Variants in THRB observed in about 807,000 individuals in gnomAD.
The protein encoded by THRB is thyroid hormone receptor beta, also known as nuclear receptor subfamily 1 group A member 2.
In THRB, 12 loss-of-function variants were observed where a neutral mutation model predicts 47.8. That is an observed-to-expected ratio of 0.25 (90% CI 0.16 to 0.41). The LOEUF (loss-of-function observed/expected upper bound fraction) is 0.41. Ranked by LOEUF, THRB falls within the 10% of genes least tolerant of loss-of-function variation. THRB has a pLI of 1.00. For synonymous variants in THRB, 218 were observed against 212.2 expected (o/e 1.03, Z -0.24); for missense variants, 348 against 589.2 (o/e 0.59, Z 4.24).
chr3:24,129,848 C>T (rs2033540188), intron 9 of THRB, among the ~76,000 whole-genome samples: 2 of 152,136 alleles, frequency 1.3e-5, no homozygotes, highest in South Asian at 2.1e-4. Context: ...GCAGCTCTGC[C>T]GGCGATGATT....
chr3:24,433,367 G>A lies in THRB; in HGVS notation c.-261+61285C>T, dbSNP rs542512873. On this transcript the variant is annotated intron_variant, in intron 1 of 10. Coordinates refer to ENST00000646209, the MANE Select transcript of THRB (RefSeq NM_001354712.2). ...TAAAAAGGATGCAGGAGGGGTCAGA[G>A]GCAAAGGAGATTATGTGATGATGGA... Among the ~76,000 whole-genome samples, 19 of 152,190 alleles carry A rather than the reference G, an allele frequency of 1.2e-4. No homozygotes were observed. In the East Asian group the frequency reaches 3.7e-3, roughly 29 times the overall value.
chr3:24,375,332 TTATTATATTTAGACATATAATATTAATA>T (rs1178581986), intron 1 of THRB, among the ~76,000 whole-genome samples: 1,641 of 143,350 alleles, frequency 0.011, no homozygotes, highest in East Asian at 0.043. Flanking sequence ...TAGACATATA[TTATTATATTTAGACATATAATATTAATA>T]TATTATATTT....
At position 24,359,758 on chromosome 3, in the gene THRB, C is replaced by T. The variant is rs145940255; in HGVS notation, c.-260-22387G>A. ...TTGAGTTGTATTCTTTGCCCATGTG[C>T]GTGGGGACAGCCATGGCCCTCAGCA... On this transcript the variant is annotated intron_variant, in intron 1 of 10. Transcript: ENST00000646209. Among the ~76,000 whole-genome samples, 482 of 152,132 alleles carry T rather than the reference C, an allele frequency of 3.2e-3. 3 individuals are homozygous for T. The highest frequency in any genetic ancestry group is 2.4e-3 in the Non-Finnish European group (163 of 67,996).
chr3:24,136,220 A>T (rs1286687908), intron 8 of THRB, among the ~76,000 whole-genome samples: 1 of 152,216 alleles, frequency 6.6e-6, no homozygotes, highest in East Asian at 1.9e-4. Flanking sequence ...ATGGAAATAT[A>T]TATCAAGGTA....
At chr3:24,413,922 A>G (rs2068536934) in intron 1 of THRB, among the ~76,000 whole-genome samples, 3 of 152,000 alleles carry the variant, frequency 2.0e-5, no homozygotes, top group African/African-American at 7.2e-5. Flanking sequence ...AGGACAGAAA[A>G]CCAATTACCT....
intron 1 of THRB, among the ~76,000 whole-genome samples, chr3:24,393,502 C>T (rs2066733194): frequency 6.6e-6 from 1 of 152,068 alleles, no homozygotes; most frequent in Non-Finnish European, 1.5e-5. Context: ...TCTAGGGGCA[C>T]CTGGGAGAGG....
chr3:24,467,142 AG>A (rs2074219261), intron 1 of THRB, among the ~76,000 whole-genome samples: 1 of 152,224 alleles, frequency 6.6e-6, no homozygotes, highest in African/African-American at 2.4e-5. Flanking sequence ...TTACATTTCA[AG>A]TGACACCTCT....
chr3:24,304,876 C>T (rs2057230761), intron 2 of THRB, among the ~76,000 whole-genome samples: 1 of 152,034 alleles, frequency 6.6e-6, no homozygotes, highest in Admixed American at 6.6e-5. Flanking sequence ...GAACTAGCCC[C>T]ATTGTAATAG....
chr3:24,325,485 G>A (rs1048162913), intron 2 of THRB, among the ~76,000 whole-genome samples: 3 of 152,144 alleles, frequency 2.0e-5, no homozygotes, highest in African/African-American at 7.2e-5. Flanking sequence ...TCAGGAGTTC[G>A]AGATCAGCCT....
chr3:24,276,796 G>T (rs1047063953), intron 3 of THRB, among the ~76,000 whole-genome samples: 1 of 152,224 alleles, frequency 6.6e-6, no homozygotes, highest in Non-Finnish European at 1.5e-5. Context: ...GAGTGGGTAG[G>T]GGAGGGAAAG....
At chr3:24,460,105 T>C (rs2073560927) in intron 1 of THRB, among the ~76,000 whole-genome samples, 1 of 152,204 alleles carries the variant, frequency 6.6e-6, no homozygotes, top group South Asian at 2.1e-4. Flanking sequence ...CTATGCTCAT[T>C]AAGGACATTT....
chr3:24,229,575 C>G (rs907809765), intron 3 of THRB, among the ~76,000 whole-genome samples: 5 of 152,204 alleles, frequency 3.3e-5, no homozygotes, highest in Admixed American at 2.0e-4. Context: ...CACCTCACCA[C>G]TACCTTAATG....
intron 4 of THRB, among the ~76,000 whole-genome samples, chr3:24,192,648 C>T (rs2043489677): frequency 6.6e-6 from 1 of 152,112 alleles, no homozygotes; most frequent in African/African-American, 2.4e-5. Context: ...GACATTGCCC[C>T]TTAAAGTGCA....
chr3:24,481,024 A>G (rs1696274931), intron 1 of THRB, among the ~76,000 whole-genome samples: 2 of 152,130 alleles, frequency 1.3e-5, no homozygotes, highest in African/African-American at 4.8e-5. Flanking sequence ...ATACAAGTTG[A>G]AGAATCAGGC....
intron 4 of THRB, among the ~76,000 whole-genome samples, chr3:24,201,543 C>T (rs903513732): frequency 6.6e-6 from 1 of 152,032 alleles, no homozygotes; most frequent in Admixed American, 6.5e-5. Context: ...GTTCTAGGGG[C>T]ACAGTCTCCA....
rs140675675 is a variant in THRB, at chr3:24,268,782, C to T, written c.-43+28444G>A. Among the ~76,000 whole-genome samples the T allele has an allele frequency of 3.9e-4, 59 of 152,144 alleles. No homozygotes were observed. In the South Asian group the frequency reaches 7.5e-3, roughly 19 times the overall value. ...TGTTAAAGCTTTGAGTTATTTTCTG[C>T]TTTATTTCTTACATTTTATGTTATA... On this transcript the variant is annotated intron_variant, in intron 3 of 10. Transcript: ENST00000646209.
rs115394076 is a variant in THRB, at chr3:24,266,068, A to T, written c.-43+31158T>A. Among the ~76,000 whole-genome samples, 883 of 152,336 alleles carry T rather than the reference A, an allele frequency of 5.8e-3. 14 individuals carry two copies. Among genetic ancestry groups the T allele is most frequent in the African/African-American group, 0.02 (829 of 41,578 alleles). On this transcript the variant is annotated intron_variant, in intron 3 of 10. Coordinates refer to ENST00000646209, the MANE Select transcript of THRB (RefSeq NM_001354712.2). The stretch of plus-strand genomic sequence containing the variant: ...TGGCATTGAAATTTTAATCTTCCCT[A>T]AACTTTCAAAATCTGTTTAGTACTG...
chr3:24,265,219 G>A (rs185367254), intron 3 of THRB, among the ~76,000 whole-genome samples: 3 of 152,112 alleles, frequency 2.0e-5, no homozygotes, highest in Admixed American at 2.0e-4. Context: ...GGTGAGGAGG[G>A]AACATTAGAT....
At chr3:24,445,477 A>G (rs966185392) in intron 1 of THRB, among the ~76,000 whole-genome samples, 3 of 152,224 alleles carry the variant, frequency 2.0e-5, no homozygotes, top group Non-Finnish European at 4.4e-5. Flanking sequence ...TAATTTCCAG[A>G]GACATAACAC....
Sources: allele counts gnomAD v4.1 joint callset (sites outside exome capture counted in the v4.1 genomes callset), GRCh38; gene constraint gnomAD v4.1.1; transcripts MANE v1.5; gene names NCBI Gene and HGNC (gene_info 2026-07-23, HGNC 2026-07-21).